Variants in NLGN2 observed in about 807,000 individuals in gnomAD.
NLGN2 encodes neuroligin 2, also known as neuroligin-2.
A neutral mutation model predicts 48.6 loss-of-function variants in NLGN2; 11 were observed. The observed-to-expected ratio is 0.23, with a 90% CI of 0.14 to 0.37. The LOEUF (loss-of-function observed/expected upper bound fraction) is 0.37. NLGN2 is among the 10% of genes least tolerant of loss of function. The pLI is 1.00. For synonymous variants in NLGN2, 548 were observed against 550.0 expected (o/e 1.00, Z 0.05); for missense variants, 801 against 1,225.2 (o/e 0.65, Z 5.17).
intron 5 of NLGN2, 104 bp downstream of exon 5, chr17:7,415,252 G>C: frequency 8.9e-7 from 1 of 1,118,992 alleles, no homozygotes; most frequent in South Asian, 1.6e-5. Flanking sequence ...ATGGGCTTCT[G>C]GCCCCCAGTA....
upstream of NLGN2, among the ~76,000 whole-genome samples, chr17:7,405,935 G>A (rs920782588): frequency 1.3e-5 from 2 of 152,160 alleles, no homozygotes; most frequent in African/African-American, 2.4e-5. This position sits in a 1 kb window ranked among gnomAD's most constrained non-coding sequence, Gnocchi z 6.8. Context: ...AACTCTCCCC[G>A]GCTGGGGGAG....
Position 7,414,324 on chromosome 17 carries a change from G to GCCCCCCCC in NLGN2, c.509-17_509-16insCCCCCCCC. Reference sequence around the variant, plus strand: ...TTGTCCCTGACCCCCTGGCCCACCTGCCCACCCCTCCCCACACAGATATCC... The same window carrying GCCCCCCCC: ...TTGTCCCTGACCCCCTGGCCCACCTGCCCCCCCCCCCACCCCTCCCCACACAGATATCC... On this transcript the variant is annotated intron_variant, in intron 2 of 6. Transcript: ENST00000302926. 2 of 1,434,822 alleles carry GCCCCCCCC rather than the reference G, an allele frequency of 1.4e-6. No individual in the cohort carries two copies. Among genetic ancestry groups the GCCCCCCCC allele is most frequent in the Non-Finnish European group, 1.8e-6 (2 of 1,087,898 alleles). 88.9% of individuals were successfully genotyped at this position (1,434,822 alleles called of 1,614,324 possible). A position where few individuals can be genotyped will look rare whatever the true frequency, so the allele number is the denominator to read the frequency against.
intron 2 of NLGN2, among the ~76,000 whole-genome samples, chr17:7,412,839 T>A (rs910907896): frequency 6.6e-6 from 1 of 152,198 alleles, no homozygotes; most frequent in Non-Finnish European, 1.5e-5. Context: ...GATCTTTTTG[T>A]TTTTTCTTTT....
chr17:7,407,434 G>A (rs190380129), upstream of NLGN2, among the ~76,000 whole-genome samples: 1 of 152,234 alleles, frequency 6.6e-6, no homozygotes, highest in Admixed American at 6.5e-5. Flanking sequence ...TTGAAGTGGG[G>A]ATAAGGTGCT....
Position 7,413,708 on chromosome 17 carries a change from A to G in NLGN2, c.509-636A>G, listed in dbSNP as rs1286516441. On this transcript the variant is annotated intron_variant, in intron 2 of 6. Transcript: ENST00000302926. This position sits in a 1 kb window ranked among gnomAD's most constrained non-coding sequence, Gnocchi z 4.9. ...CAAAACTAAGCTGCACCCTGGCTTC[A>G]TTAAGCAGGCTCTTCCTCCTCCTGC... Among the ~76,000 whole-genome samples, 1 of 152,128 alleles carries G rather than the reference A, an allele frequency of 6.6e-6. No individual in the cohort carries two copies. The highest frequency in any genetic ancestry group is 1.5e-5 in the Non-Finnish European group (1 of 67,996).
At position 7,411,901 on chromosome 17, in the gene NLGN2, C is replaced by G. The variant is rs898214619; in HGVS notation, c.458-256C>G. ...AGCCCACTCAGGCACCCCACCCCCCCAAAACCAGCCTTTTCTTTGGGGCAT... is the reference window on the plus strand; with the variant it reads ...AGCCCACTCAGGCACCCCACCCCCCGAAAACCAGCCTTTTCTTTGGGGCAT... On this transcript the variant is annotated intron_variant, in intron 1 of 6. Transcript: ENST00000302926. The surrounding 1 kb of genome is among the most constrained non-coding windows in gnomAD (Gnocchi z 4.5). Among the ~76,000 whole-genome samples, 3 of 152,176 alleles carry G rather than the reference C, an allele frequency of 2.0e-5. No homozygotes were observed. Among genetic ancestry groups the G allele is most frequent in the African/African-American group, 4.8e-5 (2 of 41,428 alleles).
intron 3 of NLGN2, 35 bp downstream of exon 3, chr17:7,414,528 A>C: frequency 6.2e-7 from 1 of 1,611,504 alleles, no homozygotes; most frequent in Non-Finnish European, 8.5e-7. Context: ...GGCTCGGGGG[A>C]GTCTGGGAGG....
In NLGN2 at chr17:7,411,899, C is replaced by T. The variant is rs561653907; in HGVS notation, c.458-258C>T. 6.6e-6 allele frequency among the ~76,000 whole-genome samples: 1 copy of T among 152,154 alleles called. No individual in the cohort carries two copies. The highest frequency in any genetic ancestry group is 1.5e-5 in the Non-Finnish European group (1 of 68,030). ...TCAGCCCACTCAGGCACCCCACCCC[C>T]CCAAAACCAGCCTTTTCTTTGGGGC... On this transcript the variant is annotated intron_variant, in intron 1 of 6. Coordinates refer to ENST00000302926, the MANE Select transcript of NLGN2 (RefSeq NM_020795.4). This position sits in a 1 kb window ranked among gnomAD's most constrained non-coding sequence, Gnocchi z 4.5.
rs536597278 is a variant in NLGN2, at chr17:7,415,905, G to A, written c.1432G>A (p.Val478Ile). Residue 478 changes from valine (V) to isoleucine (I), a missense_variant, in exon 6 of 7, where the codon GTC becomes ATC. By Grantham distance (29) the Val-to-Ile change is conservative (BLOSUM62 3). Transcript: ENST00000302926. ...AKLHADYQSP[V>I]YFYTFYHHCQ... ...GCTGCACGCCGACTACCAGTCTCCCGTCTACTTTTACACCTTCTACCACCA... is the reference window on the plus strand; with the variant it reads ...GCTGCACGCCGACTACCAGTCTCCCATCTACTTTTACACCTTCTACCACCA... 8.1e-6 allele frequency: 13 copies of A among 1,611,994 alleles called. No homozygotes were observed. Among genetic ancestry groups the A allele is most frequent in the African/African-American group, 6.7e-5 (5 of 75,046 alleles).
intron 1 of NLGN2, among the ~76,000 whole-genome samples, chr17:7,410,842 C>T (rs954749413): frequency 5.3e-5 from 8 of 152,258 alleles, no homozygotes; most frequent in East Asian, 1.9e-4. Context: ...ACACGCGCTT[C>T]ATAGACTCAC....
chr17:7,417,767 C>T lies in NLGN2; in HGVS notation c.2476C>T (p.Leu826=). 7.3e-7 allele frequency: 1 copy of T among 1,364,336 alleles called. No individual in the cohort carries two copies. The highest frequency in any genetic ancestry group is 3.0e-5 in the East Asian group (1 of 33,234). 84.5% of individuals were successfully genotyped at this position (1,364,336 alleles called of 1,614,324 possible). Reference sequence around the variant, plus strand: ...CACCGCCACCAGCCACAACAACACGCTACCCCACCCCCACTCCACCACTCG... The same window carrying T: ...CACCGCCACCAGCCACAACAACACGTTACCCCACCCCCACTCCACCACTCG... ...PPTATSHNNT[L]PHPHSTTRV is the part of the protein sequence containing the mutation. Residue 826 remains leucine (L), a synonymous_variant, in exon 7 of 7, where the codon CTA becomes TTA. Transcript: ENST00000302926.
In NLGN2 at chr17:7,413,602, C is replaced by T. The variant is rs1354341715; in HGVS notation, c.509-742C>T. The stretch of plus-strand genomic sequence containing the variant: ...AACTCAAGGGCCTGATCACATGTGG[C>T]AGTGATCAGGGGATCCTCAGGGGGT... On this transcript the variant is annotated intron_variant, in intron 2 of 6. Transcript: ENST00000302926. This position sits in a 1 kb window ranked among gnomAD's most constrained non-coding sequence, Gnocchi z 4.9. 1.3e-5 allele frequency among the ~76,000 whole-genome samples: 2 copies of T among 152,136 alleles called. No homozygotes were observed. Among genetic ancestry groups the T allele is most frequent in the African/African-American group, 4.8e-5 (2 of 41,420 alleles).
intron 1 of NLGN2, among the ~76,000 whole-genome samples, 153 bp from the exon 2 acceptor site, chr17:7,412,004 A>G (rs2150814210): frequency 6.6e-6 from 1 of 151,526 alleles, no homozygotes; most frequent in South Asian, 2.1e-4. Context: ...TCTTGCAAAC[A>G]AATTTTGCTT....
chr17:7,414,870 G>A, intron 4 of NLGN2, 22 bp downstream of exon 4: 1 of 1,614,050 alleles, frequency 6.2e-7, no homozygotes, highest in Non-Finnish European at 8.5e-7. Flanking sequence ...GTCCCAGCCT[G>A]TTCCACCCTT....
Position 7,417,413 on chromosome 17 carries a change from C to T in NLGN2, c.2122C>T (p.Arg708Trp), listed in dbSNP as rs762897942. 3.7e-6 allele frequency: 6 copies of T among 1,607,374 alleles called. No homozygotes were observed. The highest frequency in any genetic ancestry group is 5.1e-6 in the Non-Finnish European group (6 of 1,177,926). Reference protein sequence around the residue: ...YYKRDRRQELRCRRLSPPGGS... With the variant: ...YYKRDRRQELWCRRLSPPGGS... Reference sequence around the variant, plus strand: ...CAAGCGGGACCGGCGGCAGGAGCTGCGGTGCAGGCGGCTTAGCCCACCTGG... The same window carrying T: ...CAAGCGGGACCGGCGGCAGGAGCTGTGGTGCAGGCGGCTTAGCCCACCTGG... The change falls in exon 7 of 7, where the codon CGG becomes TGG. Residue 708 changes from arginine (R) to tryptophan (W), a missense_variant. By Grantham distance (101) the Arg-to-Trp change is moderately radical. Transcript: ENST00000302926.
chr17:7,417,245 G>T lies in NLGN2; in HGVS notation c.1954G>T (p.Glu652Ter). The change falls in exon 7 of 7, where the codon GAG becomes TAG. Residue 652 changes from glutamate to a stop codon, truncating the protein, a stop_gained. Coordinates refer to ENST00000302926, the MANE Select transcript of NLGN2 (RefSeq NM_020795.4). LOFTEE classifies it low-confidence loss of function (END_TRUNC). ...RPPPPATLPP[E>*]PEPEPGPRAY... is the part of the protein sequence containing the mutation. ...CCCGCCGCCTGCCACCCTGCCTCCC[G>T]AGCCCGAGCCCGAGCCCGGCCCAAG... The T allele has an allele frequency of 1.3e-6, 2 of 1,539,488 alleles. No individual in the cohort carries two copies. Among genetic ancestry groups the T allele is most frequent in the East Asian group, 2.5e-5 (1 of 39,960 alleles).
At chr17:7,407,695 G>T (rs1228272056), upstream of NLGN2, among the ~76,000 whole-genome samples, 1 of 152,074 alleles carries the variant, frequency 6.6e-6, no homozygotes, top group Non-Finnish European at 1.5e-5. Flanking sequence ...AGCATGCTGG[G>T]TCTGGAGAGC....
At position 7,412,160 on chromosome 17, in the gene NLGN2, C is replaced by G. The variant is rs368402918; in HGVS notation, c.461C>G (p.Pro154Arg). ...LNLYVPTEDG[P>R]LTKKRDEATL... ...TGTTTTGTGTTCCCGGTCTTAGGTC[C>G]GCTCACAAAAAAACGTGACGAGGCG... The change falls in exon 2 of 7, where the codon CCG (proline) becomes CGG (arginine). Residue 154 changes from proline (P) to arginine (R), a missense_variant. Physicochemically the swap from Pro to Arg is moderately radical, Grantham distance 103. Coordinates refer to ENST00000302926, the MANE Select transcript of NLGN2 (RefSeq NM_020795.4). The G allele has an allele frequency of 1.2e-6, 2 of 1,607,716 alleles. No individual in the cohort carries two copies. Among genetic ancestry groups the G allele is most frequent in the Admixed American group, 1.7e-5 (1 of 59,622 alleles).
chr17:7,408,239 G>A lies in NLGN2; in HGVS notation c.-17G>A, dbSNP rs1258192257. 1.4e-5 allele frequency: 18 copies of A among 1,258,434 alleles called. No individual in the cohort carries two copies. The highest frequency in any genetic ancestry group is 1.7e-5 in the Non-Finnish European group (17 of 992,350). The allele number at this position is 1,258,434 out of a possible 1,614,324, so 78.0% of individuals were successfully genotyped here. On this transcript the variant is annotated 5_prime_UTR_variant, in exon 1 of 7. Transcript: ENST00000302926. This position sits in a 1 kb window ranked among gnomAD's most constrained non-coding sequence, Gnocchi z 7.5. ...GGGGGGGGGTCCCAGGGAGGGAGGG[G>A]GGGTCCCCCGATCAGCATGTGGCTC...
Sources: allele counts gnomAD v4.1 joint callset (sites outside exome capture counted in the v4.1 genomes callset), GRCh38; gene constraint gnomAD v4.1.1; non-coding constraint Gnocchi (gnomAD v3.1); transcripts MANE v1.5; gene names NCBI Gene and HGNC (gene_info 2026-07-23, HGNC 2026-07-21).